The following SCAPER variants were observed in gnomAD, a reference collection of about 807,000 sequenced individuals.
The protein encoded by SCAPER is S phase cyclin A-associated protein in the endoplasmic reticulum.
A neutral mutation model predicts 182.2 loss-of-function variants in SCAPER; 98 were observed. That is an observed-to-expected ratio of 0.54 (90% confidence interval 0.46 to 0.64). The LOEUF is 0.64. SCAPER is among the 30% of genes least tolerant of loss of function. SCAPER has a pLI of 0.00. For synonymous variants in SCAPER, 605 were observed against 564.6 expected (o/e 1.07, Z -1.01); for missense variants, 1,432 against 1,690.0 (o/e 0.85, Z 2.68).
intron 25 of SCAPER, among the ~76,000 whole-genome samples, chr15:76,448,126 C>T (rs1343046373): frequency 6.6e-6 from 1 of 152,086 alleles, no homozygotes; most frequent in Non-Finnish European, 1.5e-5. Context: ...CCCTGCTATA[C>T]TGAGGGGTTT....
chr15:76,882,964 C>T (rs140172464), intron 2 of SCAPER, among the ~76,000 whole-genome samples: 71 of 152,284 alleles, frequency 4.7e-4, no homozygotes, highest in African/African-American at 1.6e-3. Flanking sequence ...GTGCCCGGCC[C>T]TCTCCTGCTC....
At chr15:76,503,423 T>C (rs975996028) in intron 24 of SCAPER, among the ~76,000 whole-genome samples, 1 of 152,222 alleles carries the variant, frequency 6.6e-6, no homozygotes, top group East Asian at 1.9e-4. Context: ...ATACCATTCT[T>C]CATTAATCTT....
At chr15:76,539,545 C>CTTTTT (rs36086361) in intron 23 of SCAPER, among the ~76,000 whole-genome samples, 19 of 119,398 alleles carry the variant, frequency 1.6e-4, no homozygotes, top group Non-Finnish European at 2.0e-4. Context: ...ATCAAAATTT[C>CTTTTT]TTTTTTTTTT....
intron 17 of SCAPER, among the ~76,000 whole-genome samples, chr15:76,711,023 T>C (rs773315557): frequency 2.0e-5 from 3 of 152,086 alleles, no homozygotes; most frequent in Non-Finnish European, 4.4e-5. Flanking sequence ...TAGATATCTA[T>C]ATGCAAACAA....
chr15:76,430,291 G>A (rs942665495), intron 26 of SCAPER, among the ~76,000 whole-genome samples: 2 of 152,208 alleles, frequency 1.3e-5, no homozygotes, highest in South Asian at 2.1e-4. Flanking sequence ...AGTCCCTACT[G>A]TGGCACCGCA....
chr15:76,724,717 T>TA (rs2060479479), intron 17 of SCAPER, among the ~76,000 whole-genome samples: 1 of 152,202 alleles, frequency 6.6e-6, no homozygotes, highest in Non-Finnish European at 1.5e-5. Context: ...GTTGATCACA[T>TA]TAGTTACTGA....
intron 23 of SCAPER, among the ~76,000 whole-genome samples, chr15:76,549,997 C>T (rs906321016): frequency 9.9e-5 from 15 of 151,974 alleles, no homozygotes; most frequent in South Asian, 4.2e-4. Context: ...ACAAAGGAAA[C>T]GGTTAATAGA....
intron 29 of SCAPER, among the ~76,000 whole-genome samples, chr15:76,357,181 C>CACACACAT (rs2041032906): frequency 6.6e-6 from 1 of 151,710 alleles, no homozygotes; most frequent in Admixed American, 6.6e-5. Context: ...CACACACACA[C>CACACACAT]ACACACACCC....
At chr15:76,731,507 C>T (rs2060920380) in intron 16 of SCAPER, among the ~76,000 whole-genome samples, 1 of 152,110 alleles carries the variant, frequency 6.6e-6, no homozygotes, top group African/African-American at 2.4e-5. Flanking sequence ...GAGAATGCTT[C>T]AAGAGTAAAA....
intron 1 of SCAPER, among the ~76,000 whole-genome samples, chr15:76,893,163 C>T (rs575188583): frequency 6.6e-6 from 1 of 152,140 alleles, no homozygotes; most frequent in Non-Finnish European, 1.5e-5. Flanking sequence ...ACATCACACA[C>T]CGGAGCCTGT....
At chr15:76,580,191 A>G (rs1359118627) in intron 22 of SCAPER, among the ~76,000 whole-genome samples, 2 of 152,182 alleles carry the variant, frequency 1.3e-5, no homozygotes, top group African/African-American at 4.8e-5. Context: ...ATATTTACAG[A>G]ACATTTCATC....
chr15:76,528,576 A>G (rs1466392798), intron 23 of SCAPER, among the ~76,000 whole-genome samples: 1 of 152,146 alleles, frequency 6.6e-6, no homozygotes, highest in Non-Finnish European at 1.5e-5. Context: ...AGTCTCTTAA[A>G]CACTTTTCAA....
intron 20 of SCAPER, among the ~76,000 whole-genome samples, chr15:76,694,083 T>G (rs2058523152): frequency 6.6e-6 from 1 of 152,082 alleles, no homozygotes; most frequent in Non-Finnish European, 1.5e-5. Context: ...TTTTTTTTTT[T>G]GTGATTCCAT....
chr15:76,510,503 A>G (rs938768188), intron 23 of SCAPER, among the ~76,000 whole-genome samples: 1 of 152,226 alleles, frequency 6.6e-6, no homozygotes, highest in Non-Finnish European at 1.5e-5. Flanking sequence ...AATGTTCAAC[A>G]TCACTAATAA....
intron 5 of SCAPER, among the ~76,000 whole-genome samples, chr15:76,810,385 G>A (rs2066497889): frequency 6.6e-6 from 1 of 151,668 alleles, no homozygotes; most frequent in Admixed American, 6.6e-5. Context: ...TAAAAGGAGA[G>A]ACTTCTTGAA....
chr15:76,842,934 T>C (rs1035943648), intron 4 of SCAPER, among the ~76,000 whole-genome samples: 3 of 152,216 alleles, frequency 2.0e-5, no homozygotes, highest in African/African-American at 7.2e-5. Context: ...CTATATACCA[T>C]TCAAAGTTAA....
intron 25 of SCAPER, among the ~76,000 whole-genome samples, chr15:76,463,491 A>G (rs1424975189): frequency 6.6e-6 from 1 of 152,144 alleles, no homozygotes; most frequent in Non-Finnish European, 1.5e-5. Flanking sequence ...ATTCAACAGT[A>G]TCATATCAAT....
intron 18 of SCAPER, among the ~76,000 whole-genome samples, chr15:76,705,549 T>TA (rs879686343): frequency 5.2e-4 from 67 of 128,602 alleles, no homozygotes; most frequent in East Asian, 1.6e-3. Flanking sequence ...AAAGTATAAT[T>TA]AAAAAAAAAA....
At chr15:76,552,164 T>C (rs567845955) in intron 23 of SCAPER, among the ~76,000 whole-genome samples, 2 of 152,188 alleles carry the variant, frequency 1.3e-5, no homozygotes, top group African/African-American at 4.8e-5. Context: ...ATGCCTGTAG[T>C]CCCAGCTATT....
Sources: allele counts gnomAD v4.1 joint callset (sites outside exome capture counted in the v4.1 genomes callset), GRCh38; gene constraint gnomAD v4.1.1; transcripts MANE v1.5; gene names NCBI Gene and HGNC (gene_info 2026-07-23, HGNC 2026-07-21).